Variants in NXPE2 observed in about 807,000 individuals in gnomAD.
NXPE2 encodes the protein neurexophilin and PC-esterase domain family member 2, also known as NXPE family member 2.
NXPE2 carries 34 observed loss-of-function variants against 34.4 expected under a neutral mutation model. That is an observed-to-expected ratio of 0.99 (90% CI 0.75 to 1.31). The LOEUF (loss-of-function observed/expected upper bound fraction) is 1.31. Ranked by LOEUF, NXPE2 falls within the 40% of genes most tolerant of loss-of-function variation. NXPE2 has a pLI of 0.00. For missense variants in NXPE2, 649 were observed against 672.5 expected, an observed-to-expected ratio of 0.97 and a Z score of 0.39; for synonymous variants, 235 against 231.3, an observed-to-expected ratio of 1.02 and a Z score of -0.15.
the NXPE2 span, among the ~76,000 whole-genome samples, chr11:114,539,346 A>G: frequency 6.6e-6 from 1 of 152,086 alleles, no homozygotes; most frequent in Non-Finnish European, 1.5e-5. Flanking sequence ...TGACGAGTTA[A>G]TGGGTGCAGC....
At chr11:114,476,355 C>T in the NXPE2 span, among the ~76,000 whole-genome samples, 1 of 152,130 alleles carries the variant, frequency 6.6e-6, no homozygotes, top group East Asian at 1.9e-4. Flanking sequence ...AGACCCATTG[C>T]AACATTTCTT....
downstream of NXPE2, among the ~76,000 whole-genome samples, chr11:114,709,763 A>G (rs796559902): frequency 3.3e-5 from 5 of 152,170 alleles, no homozygotes; most frequent in African/African-American, 9.6e-5. Context: ...ATAGCTGGGC[A>G]TGGGGGCACA....
At chr11:114,650,500 A>G in the NXPE2 span, among the ~76,000 whole-genome samples, 1 of 152,218 alleles carries the variant, frequency 6.6e-6, no homozygotes, top group Non-Finnish European at 1.5e-5. Context: ...ATGGGCATAA[A>G]GCCCTGGCCT....
At chr11:114,625,733 C>A in the NXPE2 span, among the ~76,000 whole-genome samples, 8 of 152,136 alleles carry the variant, frequency 5.3e-5, no homozygotes, top group African/African-American at 1.7e-4. Context: ...ACGCAGAAGG[C>A]AGGTGATTTC....
the NXPE2 span, among the ~76,000 whole-genome samples, chr11:114,810,835 T>C: frequency 6.6e-6 from 1 of 152,150 alleles, no homozygotes; most frequent in Non-Finnish European, 1.5e-5. Flanking sequence ...ATCCCATTAC[T>C]GGGTATATAC....
chr11:114,489,960 C>G, the NXPE2 span, among the ~76,000 whole-genome samples: 116 of 152,250 alleles, frequency 7.6e-4, no homozygotes, highest in African/African-American at 2.7e-3. Context: ...TAGAAAACCC[C>G]GTCGTCTCAG....
chr11:114,809,240 C>T, the NXPE2 span, among the ~76,000 whole-genome samples: 3 of 151,964 alleles, frequency 2.0e-5, no homozygotes, highest in African/African-American at 4.8e-5. Flanking sequence ...CAATATCATA[C>T]TGAATGGGCA....
chr11:114,601,584 TTA>T, the NXPE2 span, among the ~76,000 whole-genome samples: 5 of 86,210 alleles, frequency 5.8e-5, no homozygotes, highest in African/African-American at 2.1e-4. Context: ...TAATTATATA[TTA>T]TATATATTAT....
the NXPE2 span, among the ~76,000 whole-genome samples, chr11:114,644,825 TA>T: frequency 9.1e-3 from 1,314 of 145,180 alleles, 6 homozygotes; most frequent in Middle Eastern, 0.014. Flanking sequence ...GATATCAATT[TA>T]AAAAAAAAAA....
the NXPE2 span, among the ~76,000 whole-genome samples, chr11:114,789,673 G>C: frequency 6.6e-6 from 1 of 152,198 alleles, no homozygotes; most frequent in South Asian, 2.1e-4. Context: ...GCTCAGAAAG[G>C]CTTCACATCT....
the NXPE2 span, among the ~76,000 whole-genome samples, chr11:114,734,210 T>C: frequency 1.3e-5 from 2 of 152,186 alleles, no homozygotes; most frequent in African/African-American, 2.4e-5. Context: ...GTTTTCTATA[T>C]CTTGGTAACT....
At chr11:114,777,818 A>C in the NXPE2 span, among the ~76,000 whole-genome samples, 1 of 152,178 alleles carries the variant, frequency 6.6e-6, no homozygotes, top group Non-Finnish European at 1.5e-5. Flanking sequence ...TATATCTGTG[A>C]AATGGGTTTA....
chr11:114,487,689 C>G, the NXPE2 span, among the ~76,000 whole-genome samples: 1 of 152,040 alleles, frequency 6.6e-6, no homozygotes, highest in African/African-American at 2.4e-5. Context: ...AGGTCTGTTC[C>G]TTCTATACCC....
chr11:114,576,978 T>C, the NXPE2 span, among the ~76,000 whole-genome samples: 2 of 85,498 alleles, frequency 2.3e-5, no homozygotes, highest in Admixed American at 1.3e-4. Context: ...AAGATGTTTA[T>C]ATATATATAT....
At chr11:114,786,874 A>G in the NXPE2 span, among the ~76,000 whole-genome samples, 1 of 152,128 alleles carries the variant, frequency 6.6e-6, no homozygotes, top group African/African-American at 2.4e-5. Flanking sequence ...GTGCACACAT[A>G]CAGCCTCACA....
chr11:114,790,959 GTTT>G, the NXPE2 span, among the ~76,000 whole-genome samples: 5 of 148,354 alleles, frequency 3.4e-5, no homozygotes, highest in Admixed American at 1.3e-4. Flanking sequence ...AGGATTGGGT[GTTT>G]TTTTTTTTCC....
intron 3 of NXPE2, among the ~76,000 whole-genome samples, chr11:114,699,005 C>G (rs1039725725): frequency 6.6e-6 from 1 of 152,016 alleles, no homozygotes; most frequent in Non-Finnish European, 1.5e-5. Context: ...TTAATATAGA[C>G]CTATAGTTCT....
the NXPE2 span, among the ~76,000 whole-genome samples, chr11:114,613,106 A>T: frequency 2.0e-5 from 3 of 151,618 alleles, no homozygotes; most frequent in African/African-American, 7.3e-5. Flanking sequence ...CCTCCCAGGT[A>T]ACCACTGTAA....
At chr11:114,700,905 T>C (rs575168058) in intron 3 of NXPE2, among the ~76,000 whole-genome samples, 5 of 152,202 alleles carry the variant, frequency 3.3e-5, no homozygotes, top group South Asian at 2.1e-4. Flanking sequence ...TTTTCTGATA[T>C]GTCTTCAGAG....
Sources: allele counts gnomAD v4.1 joint callset (sites outside exome capture counted in the v4.1 genomes callset), GRCh38; gene constraint gnomAD v4.1.1; transcripts MANE v1.5; gene names NCBI Gene and HGNC (gene_info 2026-07-23, HGNC 2026-07-21).